The following GLIS1 variants were observed in gnomAD, a reference collection of about 807,000 sequenced individuals.
GLIS1 encodes GLIS family zinc finger 1, also known as zinc finger protein GLIS1.
In GLIS1, 24 loss-of-function variants were observed where a neutral mutation model predicts 63.8. The observed-to-expected ratio is 0.38, with a 90% CI of 0.27 to 0.53. GLIS1 has a LOEUF of 0.53. GLIS1 is among the 20% of genes least tolerant of loss of function. The probability of loss-of-function intolerance (pLI) is 0.85; values close to 1 mark genes in which losing one functional copy is unlikely to be tolerated. For synonymous variants in GLIS1, 450 were observed against 482.5 expected (o/e 0.93, Z 0.88); for missense variants, 1,036 against 1,074.1 (o/e 0.96, Z 0.50).
At chr1:53,602,594 C>T (rs528229348) in intron 2 of GLIS1, among the ~76,000 whole-genome samples, 1 of 152,262 alleles carries the variant, frequency 6.6e-6, no homozygotes, top group African/African-American at 2.4e-5. Context: ...GGTGGACAGC[C>T]AGCACCTACC....
rs528671606 is a variant in GLIS1 at position 53,723,887 on chromosome 1, T to C, written c.259+13919A>G. Among the ~76,000 whole-genome samples, 3 of 152,274 alleles carry C rather than the reference T, an allele frequency of 2.0e-5. No individual in the cohort carries two copies. In the East Asian group the frequency reaches 5.8e-4, roughly 29 times the overall value. On this transcript the variant is annotated intron_variant, in intron 2 of 10. Coordinates refer to ENST00000628545, the MANE Select transcript of GLIS1 (RefSeq NM_001367484.1). The stretch of plus-strand genomic sequence containing the variant: ...CAAGAATAAATCAATATTCTGCCAT[T>C]CCCGTTTAAGCTGCTGCTCAGGGCA...
chr1:53,644,109 C>G (rs187312578), intron 2 of GLIS1, among the ~76,000 whole-genome samples: 2 of 152,214 alleles, frequency 1.3e-5, no homozygotes, highest in Admixed American at 6.5e-5. Flanking sequence ...GAAGTCTCTA[C>G]AAGACACCAT....
At chr1:53,562,478 C>T (rs1266316677) in intron 4 of GLIS1, among the ~76,000 whole-genome samples, 1 of 152,166 alleles carries the variant, frequency 6.6e-6, no homozygotes, top group African/African-American at 2.4e-5. Flanking sequence ...ACAGCTCACC[C>T]ACCTGCTCCT....
intron 2 of GLIS1, among the ~76,000 whole-genome samples, chr1:53,647,878 TA>T (rs898310195): frequency 1.3e-5 from 2 of 151,682 alleles, no homozygotes; most frequent in African/African-American, 4.8e-5. Context: ...ACAACTCAAT[TA>T]AAAAAAACTT....
chr1:53,715,086 T>A (rs1258903619), intron 2 of GLIS1, among the ~76,000 whole-genome samples: 2 of 152,116 alleles, frequency 1.3e-5, no homozygotes, highest in Admixed American at 6.5e-5. Context: ...TCACTTAGTT[T>A]TTTTATTTTT....
intron 2 of GLIS1, among the ~76,000 whole-genome samples, chr1:53,647,683 A>G (rs1196638440): frequency 6.6e-6 from 1 of 152,160 alleles, no homozygotes; most frequent in Non-Finnish European, 1.5e-5. Flanking sequence ...ATTCACAAAG[A>G]TTTCTTAAAC....
chr1:53,734,238 T>C (rs1646891889), intron 2 of GLIS1: 1 of 974,780 alleles, frequency 1.0e-6, no homozygotes, highest in African/African-American at 1.8e-5. Context: ...AATTAAATAG[T>C]GACCTCATTA....
At chr1:53,659,991 C>T (rs1646008887) in intron 2 of GLIS1, among the ~76,000 whole-genome samples, 1 of 152,222 alleles carries the variant, frequency 6.6e-6, no homozygotes, top group Non-Finnish European at 1.5e-5. Flanking sequence ...AAGGCTCTTT[C>T]CCTCTCGAGC....
At chr1:53,565,652 CT>C (rs2100450915) in intron 4 of GLIS1, among the ~76,000 whole-genome samples, 1 of 151,688 alleles carries the variant, frequency 6.6e-6, no homozygotes, top group East Asian at 1.9e-4. Flanking sequence ...TAGGGGCAGG[CT>C]AACTTCCCAA....
chr1:53,709,666 A>G (rs1160101508), intron 2 of GLIS1, among the ~76,000 whole-genome samples: 1 of 152,112 alleles, frequency 6.6e-6, no homozygotes, highest in Non-Finnish European at 1.5e-5. Context: ...CAGGGTGTTG[A>G]TGGGCCCTCC....
At chr1:53,625,515 A>C (rs1161996616) in intron 2 of GLIS1, among the ~76,000 whole-genome samples, 4 of 152,140 alleles carry the variant, frequency 2.6e-5, no homozygotes, top group Non-Finnish European at 5.9e-5. Context: ...TTCATTCATT[A>C]ATTCATTCAA....
intron 2 of GLIS1, among the ~76,000 whole-genome samples, chr1:53,649,861 T>C (rs993257791): frequency 6.6e-6 from 1 of 152,216 alleles, no homozygotes; most frequent in Non-Finnish European, 1.5e-5. Context: ...GTTTATGTTA[T>C]CCGTAAGGCT....
intron 2 of GLIS1, among the ~76,000 whole-genome samples, chr1:53,699,700 C>T (rs2100489114): frequency 6.6e-6 from 1 of 152,274 alleles, no homozygotes. Flanking sequence ...AGCTGCAAGT[C>T]CGGGATCAAG....
intron 2 of GLIS1, among the ~76,000 whole-genome samples, chr1:53,716,738 G>GA: frequency 6.6e-6 from 1 of 152,200 alleles, no homozygotes; most frequent in East Asian, 1.9e-4. Flanking sequence ...AAAAACATAA[G>GA]AAATGTAGAG....
At chr1:53,525,235 G>A (rs1335189638) in intron 5 of GLIS1, among the ~76,000 whole-genome samples, 2 of 151,746 alleles carry the variant, frequency 1.3e-5, no homozygotes, top group Admixed American at 6.6e-5. Flanking sequence ...ACAGCTGCAA[G>A]TAAGCATTGA....
chr1:53,546,679 C>T (rs893705412), intron 4 of GLIS1, among the ~76,000 whole-genome samples: 4 of 152,230 alleles, frequency 2.6e-5, no homozygotes, highest in African/African-American at 4.8e-5. Context: ...TCCATGCAAC[C>T]GACACCAAGG....
intron 4 of GLIS1, among the ~76,000 whole-genome samples, chr1:53,557,177 C>T (rs983435965): frequency 2.6e-5 from 4 of 152,098 alleles, no homozygotes; most frequent in African/African-American, 9.7e-5. Context: ...AGAATGAGCC[C>T]ACAGCCATGG....
intron 2 of GLIS1, among the ~76,000 whole-genome samples, chr1:53,619,732 G>A (rs989967186): frequency 3.9e-5 from 6 of 152,236 alleles, no homozygotes; most frequent in Non-Finnish European, 8.8e-5. Context: ...ATTCCTATGG[G>A]AACTGTACAC....
At chr1:53,546,588 G>A (rs908405642) in intron 4 of GLIS1, among the ~76,000 whole-genome samples, 4 of 102,098 alleles carry the variant, frequency 3.9e-5, no homozygotes, top group Non-Finnish European at 2.4e-5. Flanking sequence ...TACATGAGAT[G>A]AGAGATGGCA....
Sources: allele counts gnomAD v4.1 joint callset (sites outside exome capture counted in the v4.1 genomes callset), GRCh38; gene constraint gnomAD v4.1.1; transcripts MANE v1.5; gene names NCBI Gene and HGNC (gene_info 2026-07-23, HGNC 2026-07-21).